PGR: variants seen among roughly 807,000 people sequenced by gnomAD.
PGR encodes the protein progesterone receptor, also known as nuclear receptor subfamily 3 group C member 3.
Under a neutral mutation model 76.1 loss-of-function variants are expected in PGR, and 25 were observed. That is an observed-to-expected ratio of 0.33 (90% CI 0.24 to 0.46). The LOEUF (loss-of-function observed/expected upper bound fraction) is 0.46, where lower values mean the gene tolerates loss of function less well. Ranked by LOEUF, PGR falls within the 20% of genes least tolerant of loss-of-function variation. The probability of loss-of-function intolerance (pLI) is 1.00; values close to 1 mark genes in which losing one functional copy is unlikely to be tolerated. For missense variants in PGR, 1,172 were observed against 1,225.3 expected (o/e 0.96, Z 0.65); for synonymous variants, 579 against 535.0 (o/e 1.08, Z -1.14).
intron 6 of PGR, among the ~76,000 whole-genome samples, chr11:101,047,208 C>G (rs1406705459): frequency 1.3e-5 from 2 of 152,164 alleles, no homozygotes; most frequent in East Asian, 3.8e-4. Context: ...ATGAGCAAAG[C>G]CTCCCTGTTG....
intron 3 of PGR, among the ~76,000 whole-genome samples, chr11:101,070,076 C>G (rs559803): frequency 7.2e-6 from 1 of 138,700 alleles, no homozygotes; most frequent in Admixed American, 7.2e-5. Context: ...GCTCCCAACG[C>G]GATCAACACA....
intron 3 of PGR, 57 bp downstream of exon 3, chr11:101,091,703 A>G: frequency 2.1e-6 from 2 of 930,348 alleles, no homozygotes; most frequent in Non-Finnish European, 3.6e-6. Flanking sequence ...TTTCTGACAC[A>G]CAGTTTTATA....
chr11:101,068,564 A>G (rs188362939), intron 3 of PGR, among the ~76,000 whole-genome samples: 10 of 152,300 alleles, frequency 6.6e-5, no homozygotes, highest in South Asian at 4.1e-4. Flanking sequence ...TAGCCAAGAC[A>G]TCCTAAGTCA....
intron 2 of PGR, among the ~76,000 whole-genome samples, chr11:101,121,529 G>C (rs1862675275): frequency 6.6e-6 from 1 of 152,150 alleles, no homozygotes; most frequent in Admixed American, 6.5e-5. Flanking sequence ...ATTCATAAAA[G>C]TATTTCATTT....
Position 101,051,555 on chromosome 11 carries a change from T to G in PGR, c.2226A>C (p.Leu742Phe). Residue 742 changes from leucine (L) to phenylalanine (F), a missense_variant, in exon 5 of 8, where the codon TTA becomes TTC. Leu to Phe is a conservative substitution (Grantham distance 22, BLOSUM62 0). Transcript: ENST00000325455. Reference protein sequence around the residue: ...WSKSLPGFRNLHIDDQITLIQ... With the variant: ...WSKSLPGFRNFHIDDQITLIQ... The stretch of plus-strand genomic sequence containing the variant: ...TGAGAGTTATCTGGTCATCAATATG[T>G]AAGTTTCGAAAACCTACAAAACAAA... The G allele has an allele frequency of 6.2e-7, 1 of 1,608,088 alleles. No homozygotes were observed. The highest frequency in any genetic ancestry group is 8.5e-7 in the Non-Finnish European group (1 of 1,175,090).
In PGR at chr11:101,041,977, G is replaced by T; in HGVS notation, c.2614C>A (p.Gln872Lys). The T allele has an allele frequency of 6.2e-7, 1 of 1,613,476 alleles. No individual in the cohort carries two copies. The highest frequency in any genetic ancestry group is 8.5e-7 in the Non-Finnish European group (1 of 1,179,624). Reference sequence around the variant, plus strand: ...AAGTTATCAAGAAGTTTTGTAAGTTGATAGAAACGCTGTGAGCTCGACACA... The same window carrying T: ...AAGTTATCAAGAAGTTTTGTAAGTTTATAGAAACGCTGTGAGCTCGACACA... ...GVVSSSQRFY[Q>K]LTKLLDNLHD... The change falls in exon 7 of 8, where the codon CAA becomes AAA. Residue 872 changes from glutamine (Q) to lysine (K), a missense_variant. Coordinates refer to ENST00000325455, the MANE Select transcript of PGR (RefSeq NM_000926.4).
At chr11:101,101,477 T>C (rs552410324) in intron 2 of PGR, among the ~76,000 whole-genome samples, 2 of 152,336 alleles carry the variant, frequency 1.3e-5, no homozygotes, top group East Asian at 3.9e-4. Context: ...ATTAAAAATA[T>C]TTATAGCTGA....
chr11:101,078,870 T>A (rs1861214514), intron 3 of PGR, among the ~76,000 whole-genome samples: 1 of 152,156 alleles, frequency 6.6e-6, no homozygotes, highest in Non-Finnish European at 1.5e-5. Context: ...GTTATTTAAA[T>A]GGTCTCTATG....
intron 4 of PGR, among the ~76,000 whole-genome samples, chr11:101,061,020 A>G (rs1285522683): frequency 1.3e-5 from 2 of 152,196 alleles, no homozygotes; most frequent in African/African-American, 4.8e-5. Flanking sequence ...TTAAATAGTA[A>G]AGAACCTCCA....
intron 3 of PGR, among the ~76,000 whole-genome samples, chr11:101,090,290 A>G (rs1045251714): frequency 1.3e-5 from 2 of 152,204 alleles, no homozygotes; most frequent in African/African-American, 2.4e-5. Flanking sequence ...TGAAGGTTCT[A>G]TCCAGAACTC....
intron 5 of PGR, chr11:101,050,964 A>G (rs1054386233): frequency 1.2e-5 from 3 of 249,726 alleles, no homozygotes; most frequent in Non-Finnish European, 8.0e-6. Flanking sequence ...AAAGATTCTT[A>G]TTCAGTTAAA....
In PGR at chr11:101,033,804, T is replaced by G. The variant is rs1206336436; in HGVS notation, c.*5312A>C. 1 of 207,510 alleles carries G rather than the reference T, an allele frequency of 4.8e-6. No homozygotes were observed. Among genetic ancestry groups the G allele is most frequent in the Non-Finnish European group, 9.8e-6 (1 of 101,902 alleles). The allele number at this position is 207,510 out of a possible 1,614,324, so 12.9% of individuals were successfully genotyped here. A position where few individuals can be genotyped will look rare whatever the true frequency, so the allele number is the denominator to read the frequency against. ...TTAGTAAACGTCATAGACAAAGAGA[T>G]CAGAAACTTAACATATAACTGACAA... On this transcript the variant is annotated 3_prime_UTR_variant, in exon 8 of 8. Coordinates refer to ENST00000325455, the MANE Select transcript of PGR (RefSeq NM_000926.4).
Position 101,050,007 on chromosome 11 carries a change from T to C in PGR, c.2410A>G (p.Ile804Val). 6.2e-7 allele frequency: 1 copy of C among 1,612,044 alleles called. No individual in the cohort carries two copies. The highest frequency in any genetic ancestry group is 8.5e-7 in the Non-Finnish European group (1 of 1,178,528). ...FYSLCLTMWQIPQEFVKLQVS... is the reference protein window; with the variant it reads ...FYSLCLTMWQVPQEFVKLQVS... ...TGAAGCTTGACAAACTCCTGTGGGA[T>C]CTGCCACATGGTAAGGCATAATGAA... The change falls in exon 6 of 8, where the codon ATC (isoleucine) becomes GTC (valine). Residue 804 changes from isoleucine (I) to valine (V), a missense_variant. By Grantham distance (29) the Ile-to-Val change is conservative (BLOSUM62 3). Around this residue, in one of 4 missense-constraint regions of PGR, gnomAD observed 166 missense variants for 296.0 expected, o/e 0.56. Transcript: ENST00000325455.
Position 101,062,717 on chromosome 11 carries a change from C to T in PGR, c.1942G>A (p.Val648Met). 2 of 1,613,524 alleles carry T rather than the reference C, an allele frequency of 1.2e-6. No individual in the cohort carries two copies. Among genetic ancestry groups the T allele is most frequent in the Non-Finnish European group, 1.7e-6 (2 of 1,179,832 alleles). Residue 648 changes from valine to methionine, a missense_variant, in exon 4 of 8, where the codon GTG becomes ATG. This residue lies in a region of PGR where 73 missense variants were observed against 60.7 expected (regional missense o/e 1.20). Coordinates refer to ENST00000325455, the MANE Select transcript of PGR (RefSeq NM_000926.4). The stretch of plus-strand genomic sequence containing the variant: ...AGAGCAACAGCATCCAGTGCTCTCA[C>T]AACTCTGACTTTATTGAACTTTTTA... ...KFKKFNKVRV[V>M]RALDAVALPQ...
rs375112439 is a variant in PGR, at chr11:101,118,682, T to C, written c.1789+7325A>G. Among the ~76,000 whole-genome samples the C allele has an allele frequency of 5.9e-5, 9 of 152,268 alleles. 1 individual carries two copies. In the South Asian group the frequency reaches 1.7e-3, roughly 28 times the overall value. ...AGTTAAAATAAAAAGGAAAACCCAA[T>C]AGGCTATTTACATATCACTTATTAA... On this transcript the variant is annotated intron_variant, in intron 2 of 7. Coordinates refer to ENST00000325455, the MANE Select transcript of PGR (RefSeq NM_000926.4).
chr11:101,047,775 CA>C (rs2135388888), intron 6 of PGR, among the ~76,000 whole-genome samples: 1 of 152,260 alleles, frequency 6.6e-6, no homozygotes, highest in Admixed American at 6.5e-5. Flanking sequence ...ATGCAAGGGT[CA>C]AAGCAGCTGC....
intron 2 of PGR, among the ~76,000 whole-genome samples, chr11:101,103,755 T>G (rs548316488): frequency 6.6e-6 from 1 of 152,336 alleles, no homozygotes; most frequent in South Asian, 2.1e-4. Flanking sequence ...TTCCTTCTCA[T>G]GAAAAATTTT....
Position 101,059,850 on chromosome 11 carries a change from AAAAAAAAAAAAG to A in PGR, c.2212+2585_2212+2596del, listed in dbSNP as rs776265523. ...AGAGTGAGACCCTCTCTCAAAAAAA[AAAAAAAAAAAAG>A]AAAAAAAAGAAAAGAAACAAAAGGA... On this transcript the variant is annotated intron_variant, in intron 4 of 7. Coordinates refer to ENST00000325455, the MANE Select transcript of PGR (RefSeq NM_000926.4). Among the ~76,000 whole-genome samples the A allele has an allele frequency of 2.4e-3, 330 of 136,696 alleles. 1 individual carries two copies. Among genetic ancestry groups the A allele is most frequent in the Non-Finnish European group, 4.1e-3 (243 of 59,548 alleles). The allele number at this position is 136,696 out of a possible 152,430, so 89.7% of individuals were successfully genotyped here.
At chr11:101,118,012 C>T (rs1189621442) in intron 2 of PGR, among the ~76,000 whole-genome samples, 2 of 152,126 alleles carry the variant, frequency 1.3e-5, no homozygotes, top group Non-Finnish European at 1.5e-5. Flanking sequence ...CTTATAGCAC[C>T]CTAAGTCTGC....
Sources: gnomAD v4.1 joint callset for allele counts (sites outside exome capture counted in the v4.1 genomes callset) on GRCh38, gnomAD v4.1.1 for gene constraint, gnomAD v4.1.1 regional missense constraint, MANE v1.5 for transcripts, NCBI Gene and HGNC (gene_info 2026-07-23, HGNC 2026-07-21) for gene names.